Variants in MSS51 observed in about 807,000 individuals in gnomAD.
The protein encoded by MSS51 is putative protein MSS51 homolog, mitochondrial.
MSS51 carries 32 observed loss-of-function variants against 40.2 expected under a neutral mutation model. The observed-to-expected ratio is 0.80, with a 90% CI of 0.60 to 1.07. MSS51 has a LOEUF of 1.07. Among genes scored for constraint, MSS51 ranks in the 50% least tolerant of loss-of-function variants. The pLI is 0.00. For missense variants in MSS51, 518 were observed against 568.9 expected (o/e 0.91, Z 0.91); for synonymous variants, 178 against 214.2 (o/e 0.83, Z 1.48).
intron 2 of MSS51, 68 bp from the exon 3 acceptor site, chr10:73,427,836 C>G (rs941130975): frequency 6.4e-7 from 1 of 1,551,606 alleles, no homozygotes; most frequent in Non-Finnish European, 8.8e-7. Flanking sequence ...CTCATGCCCC[C>G]CATCTTGTCT....
chr10:73,425,390 T>C (rs2055975047), intron 5 of MSS51, among the ~76,000 whole-genome samples, 199 bp from the exon 6 acceptor site: 1 of 152,012 alleles, frequency 6.6e-6, no homozygotes, highest in Non-Finnish European at 1.5e-5. Flanking sequence ...AAAGTTGTCA[T>C]CAGGCTGGGC....
Position 73,424,584 on chromosome 10 carries a change from T to C in MSS51, c.1352A>G (p.Gln451Arg). 6.2e-7 allele frequency: 1 copy of C among 1,614,110 alleles called. No individual in the cohort carries two copies. The highest frequency in any genetic ancestry group is 8.5e-7 in the Non-Finnish European group (1 of 1,179,958). Reference sequence around the variant, plus strand: ...CCCGCCGTCCACTTTCTCTTCTAATTGCCTATTATCCAGCTGACAGGAGCT... The same window carrying C: ...CCCGCCGTCCACTTTCTCTTCTAATCGCCTATTATCCAGCTGACAGGAGCT... ...LGSSCQLDNRQLEEKVDGGI is the reference protein window; with the variant it reads ...LGSSCQLDNRRLEEKVDGGI The change falls in exon 7 of 7, where the codon CAA becomes CGA. Residue 451 changes from glutamine to arginine, a missense_variant. Physicochemically the swap from Gln to Arg is conservative, Grantham distance 43. Coordinates refer to ENST00000299432, the MANE Select transcript of MSS51 (RefSeq NM_001024593.2).
At chr10:73,425,676 A>AG in intron 5 of MSS51, 135 bp downstream of exon 5, 2 of 436,244 alleles carry the variant, frequency 4.6e-6, no homozygotes, top group South Asian at 4.6e-5. Context: ...AAAAAAAAAG[A>AG]AAAAAAAAAA....
intron 5 of MSS51, among the ~76,000 whole-genome samples, chr10:73,425,485 TA>T (rs2055975951): frequency 6.6e-6 from 1 of 151,432 alleles, no homozygotes; most frequent in South Asian, 2.1e-4. Context: ...TCATCGTGGC[TA>T]ACACAGTGAA....
Position 73,426,078 on chromosome 10 carries a change from CCACATG to C in MSS51, c.796_801del (p.His266_Val267del), listed in dbSNP as rs1201130880. The C allele has an allele frequency of 6.2e-7, 1 of 1,614,250 alleles. No individual in the cohort carries two copies. Among genetic ancestry groups the C allele is most frequent in the South Asian group, 1.1e-5 (1 of 91,088 alleles). On this transcript the variant is annotated inframe_deletion, in exon 5 of 7. Transcript: ENST00000299432. The stretch of plus-strand genomic sequence containing the variant: ...AATGTCTCCACATGGGAAGCACCAA[CCACATG>C]CACTGTGCTTCCCCCAGTCCTCCTA...
chr10:73,426,369 C>A lies in MSS51; in HGVS notation c.511G>T (p.Val171Phe). ...CATGGCCAAGGTCCTGAGGGTAGAA[C>A]AAAATCACCTGTAGGAAAGAAGAAA... Reference protein sequence around the residue: ...MEWLLVTGDFVLPSGPWPWPP... With the variant: ...MEWLLVTGDFFLPSGPWPWPP... Residue 171 changes from valine (V) to phenylalanine (F), a missense_variant, in exon 5 of 7, where the codon GTT becomes TTT. Transcript: ENST00000299432. 6.2e-7 allele frequency: 1 copy of A among 1,601,270 alleles called. No homozygotes were observed.
chr10:73,431,309 A>G (rs968493438), intron 1 of MSS51, among the ~76,000 whole-genome samples: 6 of 152,314 alleles, frequency 3.9e-5, no homozygotes, highest in South Asian at 2.1e-4. Context: ...ATTAAAAAAG[A>G]AAGGAAGGAA....
At chr10:73,429,586 T>TA in intron 1 of MSS51, 1 of 455,956 alleles carries the variant, frequency 2.2e-6, no homozygotes, top group Non-Finnish European at 4.4e-6. Context: ...CCTAAAGTGG[T>TA]AAGTTTTGAG....
In MSS51 at chr10:73,424,644, A is replaced by C. The variant is rs1317540027; in HGVS notation, c.1292T>G (p.Val431Gly). The change falls in exon 7 of 7, where the codon GTA becomes GGA. Residue 431 changes from valine (V) to glycine (G), a missense_variant. Transcript: ENST00000299432. ...QVYSSPNKQP[V>G]YCSAYYIMFL... ...CATGATATAGTATGCACTGCAGTATACTGGCTGCTTGTTGGGACTGGAATA... is the reference window on the plus strand; with the variant it reads ...CATGATATAGTATGCACTGCAGTATCCTGGCTGCTTGTTGGGACTGGAATA... 1 of 1,614,108 alleles carries C rather than the reference A, an allele frequency of 6.2e-7. No homozygotes were observed. Among genetic ancestry groups the C allele is most frequent in the Non-Finnish European group, 8.5e-7 (1 of 1,179,994 alleles).
intron 1 of MSS51, among the ~76,000 whole-genome samples, chr10:73,430,981 G>C (rs759942028): frequency 3.3e-5 from 5 of 152,152 alleles, no homozygotes; most frequent in Non-Finnish European, 5.9e-5. Flanking sequence ...CTACAATGTA[G>C]AGGAACTTCA....
chr10:73,429,101 G>A (rs2056010474), intron 1 of MSS51, among the ~76,000 whole-genome samples: 1 of 152,082 alleles, frequency 6.6e-6, no homozygotes, highest in African/African-American at 2.4e-5. Flanking sequence ...AGCTACTTGG[G>A]AGGCTGAGGC....
Position 73,425,173 on chromosome 10 carries a change from T to C in MSS51, c.1088A>G (p.Asp363Gly). The C allele has an allele frequency of 6.3e-7, 1 of 1,599,324 alleles. No individual in the cohort carries two copies. The highest frequency in any genetic ancestry group is 1.1e-5 in the South Asian group (1 of 88,752). Residue 363 changes from aspartate (D) to glycine (G), a missense_variant, in exon 6 of 7, where the codon GAC (aspartate) becomes GGC (glycine). Asp to Gly is a moderately conservative substitution (Grantham distance 94, BLOSUM62 -1). Transcript: ENST00000299432. ...GGTGGGCAGCCAAGCCTCCATCAAG[T>C]CTGGGGAGGAATGAAAACCTGTGGA... is the stretch of plus-strand genomic sequence containing the variant. ...AFHPGFHSSP[D>G]LMEAWLPTLL...
Position 73,424,796 on chromosome 10 carries a change from TTACTC to T in MSS51, c.1164-29_1164-25del, listed in dbSNP as rs1450705689. On this transcript the variant is annotated intron_variant, in intron 6 of 6. Coordinates refer to ENST00000299432, the MANE Select transcript of MSS51 (RefSeq NM_001024593.2). ...GGCTGTAGAAGAGAGAGAAGAAAAA[TTACTC>T]TACTGATTGTGACAGAGATAAAGGA... 4 of 1,568,158 alleles carry T rather than the reference TTACTC, an allele frequency of 2.6e-6. No individual in the cohort carries two copies. In the African/African-American group the frequency reaches 5.4e-5, roughly 21 times the overall value.
chr10:73,431,176 G>A (rs919793645), intron 1 of MSS51, among the ~76,000 whole-genome samples: 3 of 152,092 alleles, frequency 2.0e-5, no homozygotes, highest in Non-Finnish European at 4.4e-5. Flanking sequence ...TCTTCTTTTG[G>A]GGTGATAAAA....
At chr10:73,428,757 G>C (rs1018035050) in intron 1 of MSS51, among the ~76,000 whole-genome samples, 1 of 151,816 alleles carries the variant, frequency 6.6e-6, no homozygotes, top group Non-Finnish European at 1.5e-5. Context: ...AAAATGCCAG[G>C]ATTACAGGCT....
intron 1 of MSS51, among the ~76,000 whole-genome samples, chr10:73,429,437 C>G (rs1233013568): frequency 6.6e-6 from 1 of 152,072 alleles, no homozygotes; most frequent in Non-Finnish European, 1.5e-5. Context: ...GAGAGTTAGA[C>G]AGTTTAATAT....
intron 2 of MSS51, 117 bp downstream of exon 2, chr10:73,427,947 G>T: frequency 8.3e-7 from 1 of 1,210,776 alleles, no homozygotes; most frequent in Non-Finnish European, 1.2e-6. Context: ...GCAAAAGGAT[G>T]AGAAAATCTC....
At position 73,425,929 on chromosome 10, in the gene MSS51, G is replaced by A. The variant is rs148150974; in HGVS notation, c.951C>T (p.Pro317=). Residue 317 remains proline, a synonymous_variant, in exon 5 of 7, where the codon CCC becomes CCT. Coordinates refer to ENST00000299432, the MANE Select transcript of MSS51 (RefSeq NM_001024593.2). ...TAAGCTGAATTGTGCCAGGTTCCAG[G>A]GGTGAAGTTGAGGTGCTCTGTGAAA... ...TGFSQSTSTS[P]LEPGTIQLSA... 1,034 of 1,614,130 alleles carry A rather than the reference G, an allele frequency of 6.4e-4. 2 individuals carry two copies. The highest frequency in any genetic ancestry group is 8.7e-4 in the South Asian group (79 of 91,056).
chr10:73,428,965 G>A (rs1161961639), intron 1 of MSS51, among the ~76,000 whole-genome samples: 1 of 151,880 alleles, frequency 6.6e-6, no homozygotes, highest in Non-Finnish European at 1.5e-5. Flanking sequence ...AGCACTTTGG[G>A]AGGCTGAGGC....
Sources: allele counts gnomAD v4.1 joint callset (sites outside exome capture counted in the v4.1 genomes callset), GRCh38; gene constraint gnomAD v4.1.1; transcripts MANE v1.5; gene names NCBI Gene and HGNC (gene_info 2026-07-23, HGNC 2026-07-21).